The following TMEM169 variants were observed in gnomAD, a reference collection of about 807,000 sequenced individuals.
TMEM169 encodes transmembrane protein 169.
A neutral mutation model predicts 27.3 loss-of-function variants in TMEM169; 18 were observed. The ratio of observed to expected loss-of-function variants is 0.66; its 90% CI spans 0.46 to 0.98. The LOEUF is 0.98. Ranked by LOEUF, TMEM169 falls within the 50% of genes least tolerant of loss-of-function variation. The pLI, the probability that TMEM169 is intolerant of heterozygous loss-of-function variation, is 0.00. For synonymous variants in TMEM169, 136 were observed against 142.1 expected (o/e 0.96, Z 0.30); for missense variants, 320 against 368.6 (o/e 0.87, Z 1.08).
Position 216,096,195 on chromosome 2 carries a change from G to A in TMEM169, c.232G>A (p.Glu78Lys), listed in dbSNP as rs1696261472. 2.5e-6 allele frequency: 4 copies of A among 1,614,154 alleles called. No homozygotes were observed. Among genetic ancestry groups the A allele is most frequent in the Non-Finnish European group, 3.4e-6 (4 of 1,180,024 alleles). ...ESEGGDQPKEEEGDDFLDYPV... is the reference protein window; with the variant it reads ...ESEGGDQPKEKEGDDFLDYPV... ...AGAAGGTGGAGATCAGCCTAAAGAG[G>A]AGGAGGGAGATGATTTCCTAGACTA... The change falls in exon 2 of 3, where the codon GAG becomes AAG. Residue 78 changes from glutamate (E) to lysine (K), a missense_variant. Coordinates refer to ENST00000437356, the MANE Select transcript of TMEM169 (RefSeq NM_001142311.2).
rs1696391567 is a variant in TMEM169, at chr2:216,101,417, A to C, written c.*875A>C. The C allele has an allele frequency of 6.6e-6, 1 of 152,264 alleles. No homozygotes were observed. Among genetic ancestry groups the C allele is most frequent in the Admixed American group, 6.5e-5 (1 of 15,286 alleles). The allele number at this position is 152,264 out of a possible 1,614,324, so 9.4% of individuals were successfully genotyped here. A position where few individuals can be genotyped will look rare whatever the true frequency, so the allele number is the denominator to read the frequency against. On this transcript the variant is annotated 3_prime_UTR_variant, in exon 3 of 3. Coordinates refer to ENST00000437356, the MANE Select transcript of TMEM169 (RefSeq NM_001142311.2). Reference sequence around the variant, plus strand: ...GCTGGGTAGCTATATTCTCAGCTAAATACTGGGTTCACGCTAATTGGCAAG... The same window carrying C: ...GCTGGGTAGCTATATTCTCAGCTAACTACTGGGTTCACGCTAATTGGCAAG...
In TMEM169 at chr2:216,082,052, A is replaced by AAG. The variant is rs1553563814; in HGVS notation, c.-127+74_-127+75insGA. ...GTGGAAGGGAAATGCAAAAAAAAAA[A>AAG]AAGAAGAAGAAAGAAACAAGCAGGG... On this transcript the variant is annotated intron_variant, in intron 1 of 2. Transcript: ENST00000437356. 4.5e-4 allele frequency: 153 copies of AAG among 342,190 alleles called. 4 individuals are homozygous for AAG. The highest frequency in any genetic ancestry group is 2.4e-3 in the African/African-American group (107 of 44,790). The allele number at this position is 342,190 out of a possible 1,614,324, so 21.2% of individuals were successfully genotyped here. A position where few individuals can be genotyped will look rare whatever the true frequency, so the allele number is the denominator to read the frequency against.
rs71047975 is a variant in TMEM169 at position 216,095,109 on chromosome 2, C to CTTTTTTTTTTTTTTTTTTTTTTTT, written c.-126-715_-126-714insTTTTTTTTTTTTTTTTTTTTTTTT. Among the ~76,000 whole-genome samples, 254 of 110,434 alleles carry CTTTTTTTTTTTTTTTTTTTTTTTT rather than the reference C, an allele frequency of 2.3e-3. 13 individuals carry two copies. The highest frequency in any genetic ancestry group is 5.0e-3 in the Middle Eastern group (1 of 200). The allele number at this position is 110,434 out of a possible 152,430, so 72.4% of individuals were successfully genotyped here. On this transcript the variant is annotated intron_variant, in intron 1 of 2. Coordinates refer to ENST00000437356, the MANE Select transcript of TMEM169 (RefSeq NM_001142311.2). ...AGCCACCTATGGTTCTTTTTTCTTT[C>CTTTTTTTTTTTTTTTTTTTTTTTT]TTTTTTTTTTTTTTGACAGAGTCTC...
Position 216,102,069 on chromosome 2 carries a change from A to G in TMEM169, c.*1527A>G, listed in dbSNP as rs1440409005. 6.6e-6 allele frequency: 1 copy of G among 152,210 alleles called. No homozygotes were observed. The highest frequency in any genetic ancestry group is 2.4e-5 in the African/African-American group (1 of 41,440). 9.4% of individuals were successfully genotyped at this position (152,210 alleles called of 1,614,324 possible). The stretch of plus-strand genomic sequence containing the variant: ...ACAGGAGAGTACAATTTATAATAGT[A>G]GCATAACTCTTTGTCCTGGTGGTGG... On this transcript the variant is annotated 3_prime_UTR_variant, in exon 3 of 3. Transcript: ENST00000437356.
chr2:216,099,987 A>G lies in TMEM169; in HGVS notation c.339A>G (p.Lys113=). The change falls in exon 3 of 3, where the codon AAA becomes AAG. Residue 113 remains lysine, a synonymous_variant. Transcript: ENST00000437356. This position sits in a 1 kb window ranked among gnomAD's most constrained non-coding sequence, Gnocchi z 5.0. ...TLTGTITRGK[K]KGQMVDIHVT... is the part of the protein sequence containing the mutation. ...CTGGGACCATCACACGAGGGAAGAAAAAGGGTCAGATGGTGGACATCCATG... is the reference window on the plus strand; with the variant it reads ...CTGGGACCATCACACGAGGGAAGAAGAAGGGTCAGATGGTGGACATCCATG... 1 of 1,614,116 alleles carries G rather than the reference A, an allele frequency of 6.2e-7. No homozygotes were observed. Among genetic ancestry groups the G allele is most frequent in the Non-Finnish European group, 8.5e-7 (1 of 1,180,028 alleles).
At chr2:216,090,373 GT>G (rs1362865624) in intron 1 of TMEM169, among the ~76,000 whole-genome samples, 1 of 152,222 alleles carries the variant, frequency 6.6e-6, no homozygotes, top group Non-Finnish European at 1.5e-5. Flanking sequence ...GCCAGCCACT[GT>G]TGTAAGGACA....
At position 216,101,762 on chromosome 2, in the gene TMEM169, C is replaced by G. The variant is rs1294436509; in HGVS notation, c.*1220C>G. 6.6e-6 allele frequency: 1 copy of G among 152,102 alleles called. No individual in the cohort carries two copies. Among genetic ancestry groups the G allele is most frequent in the Non-Finnish European group, 1.5e-5 (1 of 68,016 alleles). 9.4% of individuals were successfully genotyped at this position (152,102 alleles called of 1,614,324 possible). ...CCTCCCAAAATGCTGGGATTGTAGG[C>G]AAGAATGGTTATCTTGGTAGGCAAG... On this transcript the variant is annotated 3_prime_UTR_variant, in exon 3 of 3. Transcript: ENST00000437356.
intron 1 of TMEM169, among the ~76,000 whole-genome samples, chr2:216,094,332 A>G (rs766800131): frequency 6.6e-6 from 1 of 152,244 alleles, no homozygotes; most frequent in Non-Finnish European, 1.5e-5. Flanking sequence ...TTTTCACAGT[A>G]TAAATGCCAA....
rs1696408254 is a variant in TMEM169 at position 216,102,042 on chromosome 2, G to A, written c.*1500G>A. On this transcript the variant is annotated 3_prime_UTR_variant, in exon 3 of 3. Transcript: ENST00000437356. ...TGATTTGTTTTTGGAAAGGAATAGT[G>A]GACAGGAGAGTACAATTTATAATAG... 1 of 152,124 alleles carries A rather than the reference G, an allele frequency of 6.6e-6. No homozygotes were observed. Among genetic ancestry groups the A allele is most frequent in the South Asian group, 2.1e-4 (1 of 4,820 alleles). 9.4% of individuals were successfully genotyped at this position (152,124 alleles called of 1,614,324 possible).
At chr2:216,092,826 T>C (rs1010977742) in intron 1 of TMEM169, among the ~76,000 whole-genome samples, 2 of 146,458 alleles carry the variant, frequency 1.4e-5, no homozygotes, top group Non-Finnish European at 2.9e-5. Context: ...ATGATCTAAG[T>C]AGGAAAACAC....
At position 216,087,774 on chromosome 2, in the gene TMEM169, C is replaced by T. The variant is rs149213878; in HGVS notation, c.-127+5795C>T. Among the ~76,000 whole-genome samples the T allele has an allele frequency of 2.0e-4, 30 of 152,330 alleles. No individual in the cohort carries two copies. The East Asian group carries it at 5.4e-3, about 27-fold the overall frequency. ...TTATTGTAAAGTACTTAGAGCAGCA[C>T]TTGGCACACAATAAACATCCAATAA... On this transcript the variant is annotated intron_variant, in intron 1 of 2. Transcript: ENST00000437356.
chr2:216,088,554 A>G (rs1014400690), intron 1 of TMEM169, among the ~76,000 whole-genome samples: 2 of 152,256 alleles, frequency 1.3e-5, no homozygotes, highest in Admixed American at 6.5e-5. Context: ...TATTTACTGA[A>G]GCTGGGCACA....
In TMEM169 at chr2:216,101,124, A is replaced by G. The variant is rs901512375; in HGVS notation, c.*582A>G. On this transcript the variant is annotated 3_prime_UTR_variant, in exon 3 of 3. Coordinates refer to ENST00000437356, the MANE Select transcript of TMEM169 (RefSeq NM_001142311.2). The stretch of plus-strand genomic sequence containing the variant: ...GGCAGACCATCCTGGGACCCTGTGA[A>G]GTAATCCAGGTCCCAGGCTTCTTCT... 1 of 162,530 alleles carries G rather than the reference A, an allele frequency of 6.2e-6. No individual in the cohort carries two copies. The highest frequency in any genetic ancestry group is 2.4e-5 in the African/African-American group (1 of 41,464). The allele number at this position is 162,530 out of a possible 1,614,324, so 10.1% of individuals were successfully genotyped here. A position where few individuals can be genotyped will look rare whatever the true frequency, so the allele number is the denominator to read the frequency against.
At chr2:216,092,570 G>A (rs1037735435) in intron 1 of TMEM169, among the ~76,000 whole-genome samples, 1 of 152,168 alleles carries the variant, frequency 6.6e-6, no homozygotes, top group Non-Finnish European at 1.5e-5. Flanking sequence ...AAGGGAACAA[G>A]AAGTATGAGA....
intron 1 of TMEM169, among the ~76,000 whole-genome samples, chr2:216,091,462 C>T (rs1447167936): frequency 6.8e-6 from 1 of 146,874 alleles, no homozygotes; most frequent in Non-Finnish European, 1.5e-5. Flanking sequence ...GAGGCTGAGG[C>T]AGGAGAATTG....
rs757245228 is a variant in TMEM169 at position 216,096,012 on chromosome 2, C to T, written c.49C>T (p.His17Tyr). Residue 17 changes from histidine to tyrosine, a missense_variant, in exon 2 of 3, where the codon CAC (histidine) becomes TAC (tyrosine). Physicochemically the swap from His to Tyr is moderately conservative, Grantham distance 83. Coordinates refer to ENST00000437356, the MANE Select transcript of TMEM169 (RefSeq NM_001142311.2). ...VEGQVQLPSP[H>Y]QGSLRKAVAA... is the part of the protein sequence containing the mutation. ...AGGCCAGGTCCAGCTTCCAAGCCCC[C>T]ACCAGGGCTCTCTCAGGAAGGCTGT... 1.2e-6 allele frequency: 2 copies of T among 1,614,060 alleles called. No individual in the cohort carries two copies. Among genetic ancestry groups the T allele is most frequent in the Non-Finnish European group, 8.5e-7 (1 of 1,180,050 alleles).
At chr2:216,088,183 G>A (rs1696050781) in intron 1 of TMEM169, among the ~76,000 whole-genome samples, 1 of 151,376 alleles carries the variant, frequency 6.6e-6, no homozygotes, top group Admixed American at 6.6e-5. Flanking sequence ...AAACAGGCCG[G>A]GTGCAGTGGC....
At chr2:216,092,896 G>T (rs572373480) in intron 1 of TMEM169, among the ~76,000 whole-genome samples, 1 of 152,254 alleles carries the variant, frequency 6.6e-6, no homozygotes, top group East Asian at 1.9e-4. Context: ...GTACAAAGTG[G>T]TTTGTTCAGA....
intron 1 of TMEM169, among the ~76,000 whole-genome samples, chr2:216,085,266 C>T (rs1485465235): frequency 1.3e-5 from 2 of 151,840 alleles, no homozygotes; most frequent in Admixed American, 1.3e-4. Flanking sequence ...CAAAAATTAG[C>T]CGGGTGTGGT....
Sources: allele counts gnomAD v4.1 joint callset (sites outside exome capture counted in the v4.1 genomes callset), GRCh38; gene constraint gnomAD v4.1.1; non-coding constraint Gnocchi (gnomAD v3.1); transcripts MANE v1.5; gene names NCBI Gene and HGNC (gene_info 2026-07-23, HGNC 2026-07-21).